The following INVS variants were observed in gnomAD, a reference collection of about 807,000 sequenced individuals.
INVS encodes the protein inversion of embryo turning homolog.
Under a neutral mutation model 108.8 loss-of-function variants are expected in INVS, and 86 were observed. That is an observed-to-expected ratio of 0.79 (90% confidence interval 0.66 to 0.95). The LOEUF (loss-of-function observed/expected upper bound fraction) is 0.95, where lower values mean the gene tolerates loss of function less well. INVS is among the 40% of genes least tolerant of loss of function. INVS has a pLI of 0.00. For synonymous variants in INVS, 455 were observed against 473.5 expected, an observed-to-expected ratio of 0.96 and a Z score of 0.51; for missense variants, 1,169 against 1,297.4, an observed-to-expected ratio of 0.90 and a Z score of 1.52.
Position 100,297,987 on chromosome 9 carries a change from C to T in INVS, c.3068C>T (p.Ser1023Phe), listed in dbSNP as rs769993446. The T allele has an allele frequency of 5.6e-6, 9 of 1,614,078 alleles. No homozygotes were observed. The highest frequency in any genetic ancestry group is 1.3e-5 in the African/African-American group (1 of 74,942). ...CATCCTACAAGATCTGTAAAAGCCT[C>T]TTCTGTGCTGCGTCTCAACTCAGGT... ...IHHPTRSVKA[S>F]SVLRLNSVSN... The change falls in exon 16 of 17, where the codon TCT becomes TTT. Residue 1023 changes from serine (S) to phenylalanine (F), a missense_variant. Ser to Phe is a radical substitution (Grantham distance 155). Around this residue, in one of 3 missense-constraint regions of INVS, gnomAD observed 533 missense variants for 536.0 expected, o/e 0.99. Transcript: ENST00000262457.
chr9:100,200,926 T>C (rs766459923), intron 3 of INVS, among the ~76,000 whole-genome samples: 14 of 152,228 alleles, frequency 9.2e-5, no homozygotes, highest in Non-Finnish European at 1.8e-4. Flanking sequence ...CTTTAAACCA[T>C]TCTTCACACT....
intron 14 of INVS, among the ~76,000 whole-genome samples, chr9:100,295,765 G>C (rs1420080758): frequency 6.6e-6 from 1 of 152,236 alleles, no homozygotes; most frequent in African/African-American, 2.4e-5. Context: ...GAAAGGTGCT[G>C]CTGGGCCCAC....
chr9:100,227,800 C>T (rs1831379466), intron 4 of INVS, among the ~76,000 whole-genome samples: 1 of 152,038 alleles, frequency 6.6e-6, no homozygotes. Flanking sequence ...ATTTGCCCAG[C>T]AACTGCCTGT....
chr9:100,221,683 A>G (rs1831156277), intron 3 of INVS, among the ~76,000 whole-genome samples: 1 of 151,930 alleles, frequency 6.6e-6, no homozygotes, highest in Middle Eastern at 3.2e-3. Flanking sequence ...CATCTTTCTC[A>G]GTGAAAAAAA....
intron 2 of INVS, among the ~76,000 whole-genome samples, chr9:100,118,850 G>T (rs1827636157): frequency 1.3e-5 from 2 of 151,964 alleles, no homozygotes; most frequent in South Asian, 4.2e-4. Context: ...TAGTAGAGAT[G>T]GGGTTTCACC....
intron 3 of INVS, among the ~76,000 whole-genome samples, chr9:100,171,354 T>A (rs11998890): frequency 0.21 from 32,005 of 152,050 alleles, 5,732 homozygotes; most frequent in African/African-American, 0.49. Context: ...TCTAGGAGCA[T>A]CAGGTTATAC....
intron 3 of INVS, among the ~76,000 whole-genome samples, chr9:100,179,595 A>G (rs1204566755): frequency 2.6e-5 from 4 of 152,220 alleles, no homozygotes; most frequent in African/African-American, 9.6e-5. Context: ...AGAGCTAAAT[A>G]TCCTAAATAT....
chr9:100,298,486 C>A, intron 16 of INVS: 1 of 237,236 alleles, frequency 4.2e-6, no homozygotes, highest in Non-Finnish European at 6.8e-6. Flanking sequence ...TTTCAGCCAC[C>A]AAGACAAGAG....
chr9:100,165,990 C>T (rs528521633), intron 3 of INVS, among the ~76,000 whole-genome samples: 9 of 152,076 alleles, frequency 5.9e-5, no homozygotes, highest in South Asian at 2.1e-4. Flanking sequence ...ACAGAGCTTG[C>T]GGATTTTTTT....
At position 100,104,506 on chromosome 9, in the gene INVS, G is replaced by A. The variant is rs377717347; in HGVS notation, c.-16G>A. ...CTGAATCATTGTTTCAGGTTGCTCCGGTTGCTAAGAAGACTATGAACAAGT... is the reference window on the plus strand; with the variant it reads ...CTGAATCATTGTTTCAGGTTGCTCCAGTTGCTAAGAAGACTATGAACAAGT... On this transcript the variant is annotated 5_prime_UTR_variant, in exon 2 of 17. Coordinates refer to ENST00000262457, the MANE Select transcript of INVS (RefSeq NM_014425.5). 122 of 1,586,440 alleles carry A rather than the reference G, an allele frequency of 7.7e-5. No homozygotes were observed. The highest frequency in any genetic ancestry group is 2.5e-4 in the Admixed American group (15 of 59,938).
intron 3 of INVS, among the ~76,000 whole-genome samples, chr9:100,197,934 A>C (rs1830426418): frequency 6.6e-6 from 1 of 152,168 alleles, no homozygotes; most frequent in Admixed American, 6.5e-5. Flanking sequence ...AGAAGGTCAG[A>C]GAGAGAGATT....
At chr9:100,261,168 A>C (rs1053892343) in intron 10 of INVS, among the ~76,000 whole-genome samples, 1 of 152,154 alleles carries the variant, frequency 6.6e-6, no homozygotes, top group Non-Finnish European at 1.5e-5. Context: ...CTATGAACTC[A>C]TTGAACAAGT....
chr9:100,245,052 A>G (rs576123793), intron 7 of INVS, among the ~76,000 whole-genome samples: 1 of 152,322 alleles, frequency 6.6e-6, no homozygotes, highest in African/African-American at 2.4e-5. Context: ...TAAAATACTG[A>G]GAATCAACAT....
intron 3 of INVS, among the ~76,000 whole-genome samples, chr9:100,166,458 G>T (rs1181028038): frequency 6.6e-6 from 1 of 152,140 alleles, no homozygotes; most frequent in East Asian, 1.9e-4. Context: ...GGGAGGTCAG[G>T]GCTGCTGGGA....
intron 3 of INVS, among the ~76,000 whole-genome samples, chr9:100,174,902 A>T (rs1829661747): frequency 2.0e-5 from 3 of 152,174 alleles, no homozygotes; most frequent in Admixed American, 2.0e-4. Flanking sequence ...ACAGAGTGAG[A>T]TGCTGTCTCC....
At chr9:100,170,538 T>C (rs1036157775) in intron 3 of INVS, among the ~76,000 whole-genome samples, 2 of 151,876 alleles carry the variant, frequency 1.3e-5, no homozygotes, top group South Asian at 2.1e-4. Flanking sequence ...GCCCTCCAGC[T>C]TGGGTGACAG....
intron 3 of INVS, among the ~76,000 whole-genome samples, chr9:100,166,639 A>G (rs1829373642): frequency 6.6e-6 from 1 of 152,228 alleles, no homozygotes; most frequent in South Asian, 2.1e-4. Context: ...ATTTTTATAC[A>G]AAGTCCTGTT....
At chr9:100,226,295 A>T in intron 4 of INVS, 60 bp downstream of exon 4, 1 of 1,474,958 alleles carries the variant, frequency 6.8e-7, no homozygotes, top group South Asian at 1.2e-5. Context: ...TCCTTTTATG[A>T]TGTGAAATTT....
chr9:100,245,252 G>C (rs1014908971), intron 7 of INVS, among the ~76,000 whole-genome samples: 1 of 151,918 alleles, frequency 6.6e-6, no homozygotes, highest in Admixed American at 6.6e-5. Flanking sequence ...AATTGTCAAG[G>C]GTCCTAATTT....
Sources: gnomAD v4.1 joint callset for allele counts (sites outside exome capture counted in the v4.1 genomes callset) on GRCh38, gnomAD v4.1.1 for gene constraint, gnomAD v4.1.1 regional missense constraint, MANE v1.5 for transcripts, NCBI Gene and HGNC (gene_info 2026-07-23, HGNC 2026-07-21) for gene names.